ARHGAP22: variants seen among roughly 807,000 people sequenced by gnomAD.
ARHGAP22 encodes rho GTPase-activating protein 22.
In ARHGAP22, 48 loss-of-function variants were observed where a neutral mutation model predicts 59.1. That is an observed-to-expected ratio of 0.81 (90% CI 0.64 to 1.03). The LOEUF (loss-of-function observed/expected upper bound fraction) is 1.03. Among genes scored for constraint, ARHGAP22 ranks in the 50% least tolerant of loss-of-function variants. The pLI is 0.00. For missense variants in ARHGAP22, 1,015 were observed against 958.7 expected (o/e 1.06, Z -0.78); for synonymous variants, 445 against 416.4 (o/e 1.07, Z -0.84).
intron 1 of ARHGAP22, among the ~76,000 whole-genome samples, chr10:48,621,926 T>C (rs2061299187): frequency 6.6e-6 from 1 of 152,206 alleles, no homozygotes; most frequent in African/African-American, 2.4e-5. Flanking sequence ...ATAATTTCTG[T>C]CCTAAAGTCT....
chr10:48,584,595 G>T (rs1271128140), intron 1 of ARHGAP22, among the ~76,000 whole-genome samples: 1 of 152,244 alleles, frequency 6.6e-6, no homozygotes, highest in Non-Finnish European at 1.5e-5. Flanking sequence ...CCTCGTTACT[G>T]TGGGGGGCAA....
intron 1 of ARHGAP22, among the ~76,000 whole-genome samples, chr10:48,602,030 C>T (rs77671573): frequency 0.018 from 2,665 of 152,244 alleles, 78 homozygotes; most frequent in African/African-American, 0.061. Context: ...ATTGGCTGGG[C>T]GACCATGATT....
intron 2 of ARHGAP22, 66 bp downstream of exon 2, chr10:48,582,887 G>T: frequency 6.4e-7 from 1 of 1,567,686 alleles, no homozygotes. Flanking sequence ...CTTCTCCTGG[G>T]CATGGTCTTC....
chr10:48,513,023 T>C (rs1250632206), intron 3 of ARHGAP22, among the ~76,000 whole-genome samples: 1 of 152,190 alleles, frequency 6.6e-6, no homozygotes, highest in South Asian at 2.1e-4. Flanking sequence ...TACAGAACAT[T>C]GCTTTTTCTC....
At chr10:48,596,602 C>T (rs893624305) in intron 1 of ARHGAP22, among the ~76,000 whole-genome samples, 13 of 152,172 alleles carry the variant, frequency 8.5e-5, no homozygotes, top group African/African-American at 3.1e-4. Context: ...AGGCTTTTCA[C>T]CCTGACTCTC....
chr10:48,642,236 A>G (rs1053815982), intron 1 of ARHGAP22, among the ~76,000 whole-genome samples: 16 of 152,346 alleles, frequency 1.1e-4, no homozygotes, highest in African/African-American at 3.8e-4. Flanking sequence ...GGAAAAAACT[A>G]CTTTAAAGTT....
rs540274243 is a variant in ARHGAP22 at position 48,579,478 on chromosome 10, C to T, written c.234+3475G>A. Reference sequence around the variant, plus strand: ...GAAAAGCTGGAGGATCAAGGGTGCACTTCCAGGCTCTGCTGTGACATGCCT... The same window carrying T: ...GAAAAGCTGGAGGATCAAGGGTGCATTTCCAGGCTCTGCTGTGACATGCCT... On this transcript the variant is annotated intron_variant, in intron 2 of 9. Coordinates refer to ENST00000249601, the MANE Select transcript of ARHGAP22 (RefSeq NM_021226.4). Among the ~76,000 whole-genome samples, 110 of 152,364 alleles carry T rather than the reference C, an allele frequency of 7.2e-4. 1 individual carries two copies. The Middle Eastern group carries it at 0.01, about 14-fold the overall frequency.
rs919658341 is a variant in ARHGAP22 at position 48,591,047 on chromosome 10, G to A, written c.35-7895C>T. Among the ~76,000 whole-genome samples the A allele has an allele frequency of 5.9e-5, 9 of 152,174 alleles. No individual in the cohort carries two copies. The East Asian group carries it at 7.7e-4, about 13-fold the overall frequency. ...AACATTGCTCTTATGTGGCAGAGCC[G>A]GGATTCAAGCCCTGGCTGGTCTTGC... On this transcript the variant is annotated intron_variant, in intron 1 of 9. Coordinates refer to ENST00000249601, the MANE Select transcript of ARHGAP22 (RefSeq NM_021226.4).
At chr10:48,455,935 A>G (rs2133705536) in intron 5 of ARHGAP22, among the ~76,000 whole-genome samples, 1 of 152,290 alleles carries the variant, frequency 6.6e-6, no homozygotes, top group South Asian at 2.1e-4. Flanking sequence ...CCAGTGCCCC[A>G]GGAGTCCACT....
At chr10:48,502,566 C>T (rs2051635670) in intron 3 of ARHGAP22, among the ~76,000 whole-genome samples, 1 of 152,190 alleles carries the variant, frequency 6.6e-6, no homozygotes, top group African/African-American at 2.4e-5. Context: ...GTGCCCTGCC[C>T]TCTTGCTTAT....
At chr10:48,486,685 C>T in intron 3 of ARHGAP22, among the ~76,000 whole-genome samples, 1 of 152,174 alleles carries the variant, frequency 6.6e-6, no homozygotes, top group East Asian at 1.9e-4. Context: ...GTAGTTACCA[C>T]AGTGCTTTTC....
intron 2 of ARHGAP22, among the ~76,000 whole-genome samples, chr10:48,574,449 T>A (rs2135519999): frequency 6.6e-6 from 1 of 152,292 alleles, no homozygotes; most frequent in South Asian, 2.1e-4. Context: ...AATGCAATAA[T>A]AATAGCAGTG....
rs34557935 is a variant in ARHGAP22 at position 48,577,801 on chromosome 10, G to GTTTTTTTTTTTTTTTTTTTTTT, written c.234+5130_234+5151dup. Among the ~76,000 whole-genome samples, 20 of 59,164 alleles carry GTTTTTTTTTTTTTTTTTTTTTT rather than the reference G, an allele frequency of 3.4e-4. 4 individuals carry two copies. The highest frequency in any genetic ancestry group is 2.4e-3 in the East Asian group (3 of 1,248). 38.8% of individuals were successfully genotyped at this position (59,164 alleles called of 152,430 possible). A position where few individuals can be genotyped will look rare whatever the true frequency, so the allele number is the denominator to read the frequency against. ...TCTGAGATCTAACTGCTCTTTTTTG[G>GTTTTTTTTTTTTTTTTTTTTTT]TTTTTTTTTTTTTTTTTTTTTTTTT... On this transcript the variant is annotated intron_variant, in intron 2 of 9. Coordinates refer to ENST00000249601, the MANE Select transcript of ARHGAP22 (RefSeq NM_021226.4).
intron 3 of ARHGAP22, among the ~76,000 whole-genome samples, chr10:48,510,071 T>G (rs933944629): frequency 1.3e-5 from 2 of 152,178 alleles, no homozygotes; most frequent in African/African-American, 2.4e-5. Context: ...GTTTTTTACC[T>G]CTTGGAGCCT....
At chr10:48,549,985 ACCTCC>A (rs1417879849) in intron 3 of ARHGAP22, among the ~76,000 whole-genome samples, 10 of 152,122 alleles carry the variant, frequency 6.6e-5, no homozygotes, top group Non-Finnish European at 1.3e-4. Context: ...AGAAAGCTTA[ACCTCC>A]TGTTGCTTCC....
intron 1 of ARHGAP22, among the ~76,000 whole-genome samples, chr10:48,638,034 T>A (rs918568473): frequency 1.3e-4 from 20 of 152,198 alleles, no homozygotes; most frequent in African/African-American, 4.8e-4. Flanking sequence ...CTAGTAGCTC[T>A]CCCTGCTCTG....
chr10:48,556,247 A>G (rs2057301700), intron 2 of ARHGAP22, among the ~76,000 whole-genome samples: 1 of 151,936 alleles, frequency 6.6e-6, no homozygotes, highest in Non-Finnish European at 1.5e-5. Context: ...TAACCCGCTC[A>G]ATGTCTCTGA....
intron 1 of ARHGAP22, among the ~76,000 whole-genome samples, chr10:48,584,887 G>A (rs541272034): frequency 7.2e-5 from 11 of 152,010 alleles, no homozygotes; most frequent in South Asian, 2.1e-4. Context: ...CCAGCTACTC[G>A]GGAGGCTGAG....
At chr10:48,488,929 C>T (rs1323450759) in intron 3 of ARHGAP22, among the ~76,000 whole-genome samples, 1 of 152,158 alleles carries the variant, frequency 6.6e-6, no homozygotes, top group Non-Finnish European at 1.5e-5. Context: ...CAGAGTCCAA[C>T]GGGCTCCACC....
Sources: gnomAD v4.1 joint callset for allele counts (sites outside exome capture counted in the v4.1 genomes callset) on GRCh38, gnomAD v4.1.1 for gene constraint, MANE v1.5 for transcripts, NCBI Gene and HGNC (gene_info 2026-07-23, HGNC 2026-07-21) for gene names.